Variants in MORC2 observed in about 807,000 individuals in gnomAD.
MORC2 encodes the protein ATPase MORC2.
A neutral mutation model predicts 136.0 loss-of-function variants in MORC2; 30 were observed. The observed-to-expected ratio is 0.22, with a 90% CI of 0.17 to 0.30. The LOEUF (loss-of-function observed/expected upper bound fraction) is 0.30, where lower values mean the gene tolerates loss of function less well. MORC2 is among the 10% of genes least tolerant of loss of function. MORC2 has a pLI of 1.00. For missense variants in MORC2, 922 were observed against 1,333.1 expected (o/e 0.69, Z 4.80); for synonymous variants, 439 against 487.0 (o/e 0.90, Z 1.30).
rs1030252539 is a variant in MORC2 at position 30,968,197 on chromosome 22, T to A, written c.-308A>T. 1.3e-5 allele frequency: 4 copies of A among 302,656 alleles called. No individual in the cohort carries two copies. The highest frequency in any genetic ancestry group is 2.5e-5 in the Non-Finnish European group (4 of 158,490). 18.7% of individuals were successfully genotyped at this position (302,656 alleles called of 1,614,324 possible). ...GATAGCTCAATTCAGACAATCTGAG[T>A]CTCGTGTGGATGGTCCTGAAGGAGA... is the stretch of plus-strand genomic sequence containing the variant. On this transcript the variant is annotated 5_prime_UTR_variant, in exon 1 of 26. Coordinates refer to ENST00000397641, the MANE Select transcript of MORC2 (RefSeq NM_001303256.3).
intron 17 of MORC2, among the ~76,000 whole-genome samples, chr22:30,935,964 T>C (rs1310755081): frequency 1.3e-5 from 2 of 152,182 alleles, no homozygotes; most frequent in Non-Finnish European, 2.9e-5. Context: ...TGGTAAATAA[T>C]AGAAATTAAC....
chr22:30,937,856 A>G lies in MORC2; in HGVS notation c.1328T>C (p.Met443Thr), dbSNP rs1017598329. ...CCAATACTGCGCCAGGTGCTCCCCC[A>G]TTGCTCGGAGCAGGTGCCGGTACTC... ...AKEYRHLLRA[M>T]GEHLAQYWKD... Residue 443 changes from methionine to threonine, a missense_variant, in exon 14 of 26, where the codon ATG (methionine) becomes ACG (threonine). This residue lies in a region of MORC2 where 119 missense variants were observed against 202.7 expected (regional missense o/e 0.59). Transcript: ENST00000397641. This position sits in a 1 kb window ranked among gnomAD's most constrained non-coding sequence, Gnocchi z 4.7. The G allele has an allele frequency of 6.2e-7, 1 of 1,614,062 alleles. No homozygotes were observed. The highest frequency in any genetic ancestry group is 1.3e-5 in the African/African-American group (1 of 74,976).
intron 3 of MORC2, among the ~76,000 whole-genome samples, chr22:30,951,752 C>T (rs1353443297): frequency 2.6e-5 from 4 of 152,116 alleles, no homozygotes; most frequent in African/African-American, 9.7e-5. Flanking sequence ...GCTAAAAATT[C>T]AAGTGAGTAG....
chr22:30,946,381 A>G lies in MORC2; in HGVS notation c.386T>C (p.Phe129Ser), dbSNP rs751196420. 1 of 1,612,010 alleles carries G rather than the reference A, an allele frequency of 6.2e-7. No homozygotes were observed. The highest frequency in any genetic ancestry group is 1.7e-5 in the Admixed American group (1 of 59,784). ...TTCCTCATGAAACGTGCGAGACAGG[A>G]AGAGGCAGGTCATGGTGTCTTCCTT... ...TKKEDTMTCL[F>S]LSRTFHEEEG... The change falls in exon 6 of 26, where the codon TTC becomes TCC. Residue 129 changes from phenylalanine to serine, a missense_variant. By Grantham distance (155) the Phe-to-Ser change is radical. Transcript: ENST00000397641.
intron 1 of MORC2, among the ~76,000 whole-genome samples, chr22:30,966,606 GTCTC>G (rs1239129889): frequency 2.0e-5 from 3 of 151,884 alleles, no homozygotes; most frequent in Non-Finnish European, 2.9e-5. Context: ...GTGAAACCCC[GTCTC>G]TCTAAAAAAA....
At chr22:30,938,648 C>A (rs1665280007) in intron 12 of MORC2, among the ~76,000 whole-genome samples, 1 of 152,192 alleles carries the variant, frequency 6.6e-6, no homozygotes, top group Non-Finnish European at 1.5e-5. Flanking sequence ...CCGCTCACTG[C>A]AATCTCCGCA....
In MORC2 at chr22:30,932,075, A is replaced by G. The variant is rs2040583356; in HGVS notation, c.2841+284T>C. 8.8e-6 allele frequency: 3 copies of G among 342,734 alleles called. No homozygotes were observed. The highest frequency in any genetic ancestry group is 5.4e-6 in the Non-Finnish European group (1 of 185,634). The allele number at this position is 342,734 out of a possible 1,614,324, so 21.2% of individuals were successfully genotyped here. A position where few individuals can be genotyped will look rare whatever the true frequency, so the allele number is the denominator to read the frequency against. On this transcript the variant is annotated intron_variant, in intron 24 of 25. Transcript: ENST00000397641. This position sits in a 1 kb window ranked among gnomAD's most constrained non-coding sequence, Gnocchi z 4.4. ...TGGGTATGCTTGTCATAAAATGTCA[A>G]ACTACACCTGCTATCCCTAAGGGAT...
chr22:30,940,272 A>G (rs1238886084), intron 10 of MORC2, among the ~76,000 whole-genome samples: 2 of 151,870 alleles, frequency 1.3e-5, no homozygotes, highest in Non-Finnish European at 2.9e-5. Context: ...AGGAAACTTT[A>G]CAAATGAACC....
chr22:30,936,713 A>G, intron 16 of MORC2, 70 bp from the exon 17 acceptor site: 5 of 1,579,434 alleles, frequency 3.2e-6, no homozygotes, highest in Non-Finnish European at 3.4e-6. Context: ...CTTTCTCTTC[A>G]GCCAGTCTAC....
In MORC2 at chr22:30,932,639, C is replaced by A; in HGVS notation, c.2653G>T (p.Glu885Ter). ...PVAQQAIAVAEPSTSECLRIE... is the reference protein window; with the variant it reads ...PVAQQAIAVA ...CGGAGGCATTCGGAAGTGGAGGGCT[C>A]TGCGACAGCTATGGCCTGCTGGGCC... The change falls in exon 23 of 26, where the codon GAG becomes TAG. Residue 885 changes from glutamate (E) to a stop codon, truncating the protein, a stop_gained. Coordinates refer to ENST00000397641, the MANE Select transcript of MORC2 (RefSeq NM_001303256.3). LOFTEE classifies it high-confidence loss of function. The surrounding 1 kb of genome is among the most constrained non-coding windows in gnomAD (Gnocchi z 4.4). 6.2e-7 allele frequency: 1 copy of A among 1,614,164 alleles called. No individual in the cohort carries two copies. Among genetic ancestry groups the A allele is most frequent in the Non-Finnish European group, 8.5e-7 (1 of 1,180,026 alleles).
Position 30,925,768 on chromosome 22 carries a change from A to G in MORC2, c.*1035T>C, listed in dbSNP as rs2040474145. 2 of 153,588 alleles carry G rather than the reference A, an allele frequency of 1.3e-5. No homozygotes were observed. The highest frequency in any genetic ancestry group is 4.8e-5 in the African/African-American group (2 of 41,462). The allele number at this position is 153,588 out of a possible 1,614,324, so 9.5% of individuals were successfully genotyped here. ...GACCCTGAGAAGTTAAGGGACACAG[A>G]TTGTGGCGCCGTGATGGAACATGGA... On this transcript the variant is annotated 3_prime_UTR_variant, in exon 26 of 26. Transcript: ENST00000397641.
rs1272110669 is a variant in MORC2, at chr22:30,941,896, C to T, written c.693G>A (p.Glu231=). ...RDIQMAETSP[E]GTKPERRSFR... is the part of the protein sequence containing the mutation. ...CCCTTCCCAGCCACACTCACGTGCC[C>T]TCTGGGGACGTCTCTGCCATCTGGA... is the stretch of plus-strand genomic sequence containing the variant. The change falls in exon 8 of 26, where the codon GAG becomes GAA. Residue 231 remains glutamate, a synonymous_variant. Coordinates refer to ENST00000397641, the MANE Select transcript of MORC2 (RefSeq NM_001303256.3). The surrounding 1 kb of genome is among the most constrained non-coding windows in gnomAD (Gnocchi z 4.6). 1 of 1,609,922 alleles carries T rather than the reference C, an allele frequency of 6.2e-7. No homozygotes were observed.
At chr22:30,951,255 C>G (rs190305800) in intron 3 of MORC2, among the ~76,000 whole-genome samples, 2 of 152,338 alleles carry the variant, frequency 1.3e-5, no homozygotes, top group East Asian at 3.9e-4. Context: ...AAAAGAACGT[C>G]TTCTCTCAGC....
rs115891197 is a variant in MORC2 at position 30,940,262 on chromosome 22, A to C, written c.905-221T>G. On this transcript the variant is annotated intron_variant, in intron 10 of 25. Transcript: ENST00000397641. ...ATTCAAACCTATCACGGAGGCCCCA[A>C]GGAAACTTTACAAATGAACCAGAAC... 2.4e-3 allele frequency among the ~76,000 whole-genome samples: 363 copies of C among 152,144 alleles called. 1 individual carries two copies. Among genetic ancestry groups the C allele is most frequent in the African/African-American group, 8.6e-3 (355 of 41,498 alleles).
chr22:30,953,638 A>G (rs923337748), intron 3 of MORC2, among the ~76,000 whole-genome samples: 26 of 152,148 alleles, frequency 1.7e-4, no homozygotes, highest in Admixed American at 1.3e-4. Flanking sequence ...ATTTGCTCCA[A>G]TTTTCCATGT....
chr22:30,940,407 C>G (rs1569194140), intron 10 of MORC2, among the ~76,000 whole-genome samples: 1 of 152,080 alleles, frequency 6.6e-6, no homozygotes, highest in Non-Finnish European at 1.5e-5. Context: ...CCCTGAGAAA[C>G]CCTGAACAGC....
chr22:30,951,030 A>G (rs1338691073), intron 3 of MORC2, among the ~76,000 whole-genome samples: 3 of 152,162 alleles, frequency 2.0e-5, no homozygotes, highest in African/African-American at 7.2e-5. Context: ...ATCTGCATTT[A>G]CTGTCATATC....
chr22:30,960,808 C>CAAA (rs35374135), intron 1 of MORC2, among the ~76,000 whole-genome samples: 1 of 97,788 alleles, frequency 1.0e-5, no homozygotes, highest in South Asian at 3.5e-4. Flanking sequence ...ACAGATTTCT[C>CAAA]AAAAAAAAAA....
chr22:30,940,447 G>A lies in MORC2; in HGVS notation c.904+311C>T, dbSNP rs2040726584. Among the ~76,000 whole-genome samples the A allele has an allele frequency of 2.6e-5, 4 of 152,294 alleles. No homozygotes were observed. In the South Asian group the frequency reaches 8.3e-4, roughly 32 times the overall value. On this transcript the variant is annotated intron_variant, in intron 10 of 25. Transcript: ENST00000397641. ...GAGCCCCTGAGATGTTTGCCCTGAA[G>A]TCAGGAAAAGCAATTTCACAAGTAT...
Sources: gnomAD v4.1 joint callset for allele counts (sites outside exome capture counted in the v4.1 genomes callset) on GRCh38, gnomAD v4.1.1 for gene constraint, gnomAD v4.1.1 regional missense constraint, Gnocchi (gnomAD v3.1) non-coding constraint, MANE v1.5 for transcripts, NCBI Gene and HGNC (gene_info 2026-07-23, HGNC 2026-07-21) for gene names.